The following ACTN4 variants were observed in gnomAD, a reference collection of about 807,000 sequenced individuals.
ACTN4 encodes the protein alpha-actinin-4.
A neutral mutation model predicts 114.2 loss-of-function variants in ACTN4; 18 were observed. The observed-to-expected ratio is 0.16, with a 90% CI of 0.11 to 0.23. The LOEUF (loss-of-function observed/expected upper bound fraction) is 0.23. Ranked by LOEUF, ACTN4 falls within the 10% of genes least tolerant of loss-of-function variation. The probability of loss-of-function intolerance (pLI) is 1.00; values close to 1 mark genes in which losing one functional copy is unlikely to be tolerated. For missense variants in ACTN4, 722 were observed against 1,262.9 expected, an observed-to-expected ratio of 0.57 and a Z score of 6.49; for synonymous variants, 515 against 506.3, an observed-to-expected ratio of 1.02 and a Z score of -0.23.
chr19:38,698,693 C>T (rs1968171544), intron 1 of ACTN4, among the ~76,000 whole-genome samples: 1 of 152,160 alleles, frequency 6.6e-6, no homozygotes, highest in African/African-American at 2.4e-5. Flanking sequence ...AGCGTTGTGC[C>T]ACCAGGAGGG....
chr19:38,673,649 A>T (rs1487480109), intron 1 of ACTN4, among the ~76,000 whole-genome samples: 2 of 51,532 alleles, frequency 3.9e-5, no homozygotes, highest in African/African-American at 6.8e-5. Flanking sequence ...ATATATATTT[A>T]TATATTTATA....
intron 1 of ACTN4, among the ~76,000 whole-genome samples, chr19:38,699,561 C>A (rs866912124): frequency 1.3e-5 from 2 of 152,030 alleles, no homozygotes; most frequent in Non-Finnish European, 2.9e-5. Context: ...TCAAGACCAG[C>A]CTGGCCAACA....
intron 1 of ACTN4, among the ~76,000 whole-genome samples, chr19:38,673,517 T>TCATATATATTTATATATATAAATA (rs1555826155): frequency 2.5e-5 from 2 of 80,392 alleles, no homozygotes; most frequent in Non-Finnish European, 5.1e-5. Flanking sequence ...GAATATATAT[T>TCATATATATTTATATATATAAATA]TATATATATT....
At position 38,730,112 on chromosome 19, in the gene ACTN4, A is replaced by C. The variant is rs916881931; in HGVS notation, c.*680A>C. The C allele has an allele frequency of 3.4e-5, 5 of 148,656 alleles. No individual in the cohort carries two copies. Among genetic ancestry groups the C allele is most frequent in the South Asian group, 2.0e-4 (1 of 4,984 alleles). 9.2% of individuals were successfully genotyped at this position (148,656 alleles called of 1,614,324 possible). On this transcript the variant is annotated 3_prime_UTR_variant, in exon 21 of 21. Transcript: ENST00000252699. ...AACCAAAAAAAAAAAAGGAAAAAAA[A>C]CACAAAACAACAAAAACCAAAAAAA...
chr19:38,726,192 G>C (rs1315510766), intron 17 of ACTN4, among the ~76,000 whole-genome samples: 2 of 151,786 alleles, frequency 1.3e-5, no homozygotes, highest in Non-Finnish European at 2.9e-5. Context: ...GGAGGTTGAG[G>C]TGGGCAGATT....
At position 38,717,410 on chromosome 19, in the gene ACTN4, G is replaced by C; in HGVS notation, c.1143+94G>C. On this transcript the variant is annotated intron_variant, in intron 10 of 20. Transcript: ENST00000252699. The surrounding 1 kb of genome is among the most constrained non-coding windows in gnomAD (Gnocchi z 4.0). ...GTTTGGCCAGCGTAATCTTTCCTAA[G>C]TTGTTGATGTCCTGTGGGACATGGC... 6.7e-7 allele frequency: 1 copy of C among 1,487,946 alleles called. No homozygotes were observed. The highest frequency in any genetic ancestry group is 9.1e-7 in the Non-Finnish European group (1 of 1,097,816). 92.2% of individuals were successfully genotyped at this position (1,487,946 alleles called of 1,614,324 possible).
Position 38,724,697 on chromosome 19 carries a change from G to A in ACTN4, c.2010+132G>A, listed in dbSNP as rs991103086. 5.6e-5 allele frequency: 81 copies of A among 1,445,980 alleles called. No individual in the cohort carries two copies. Among genetic ancestry groups the A allele is most frequent in the Middle Eastern group, 2.2e-4 (1 of 4,558 alleles). The allele number at this position is 1,445,980 out of a possible 1,614,324, so 89.6% of individuals were successfully genotyped here. On this transcript the variant is annotated intron_variant, in intron 16 of 20. Transcript: ENST00000252699. This position sits in a 1 kb window ranked among gnomAD's most constrained non-coding sequence, Gnocchi z 7.0. ...GCAGGTCCCAATTCTCACCACCCAG[G>A]GGCCGTGATCACCCTGCGGGGTTAG...
intron 8 of ACTN4, among the ~76,000 whole-genome samples, chr19:38,712,282 A>ATT (rs1968682695): frequency 6.6e-6 from 1 of 152,108 alleles, no homozygotes; most frequent in Admixed American, 6.5e-5. Context: ...CCCTGCTTTG[A>ATT]GCCTCCCAAC....
intron 1 of ACTN4, among the ~76,000 whole-genome samples, chr19:38,664,092 G>C (rs1277097919): frequency 6.6e-6 from 1 of 152,240 alleles, no homozygotes; most frequent in Non-Finnish European, 1.5e-5. Flanking sequence ...TCGGCTCCCA[G>C]TCTGCTGGCG....
intron 9 of ACTN4, among the ~76,000 whole-genome samples, chr19:38,716,699 C>T (rs1034189863): frequency 1.3e-5 from 2 of 152,172 alleles, no homozygotes; most frequent in Non-Finnish European, 2.9e-5. Flanking sequence ...CAGCCAGGCT[C>T]GGAGGTAGGC....
In ACTN4 at chr19:38,717,913, C is replaced by T. The variant is rs533607295; in HGVS notation, c.1144-14C>T. On this transcript the variant is annotated splice_polypyrimidine_tract_variant and intron_variant, in intron 10 of 20. Transcript: ENST00000252699. This position sits in a 1 kb window ranked among gnomAD's most constrained non-coding sequence, Gnocchi z 4.0. ...TTCCTTGTGATAGCCCTGCCTGCTC[C>T]TGCCCTGCCCCAGGACATCAACAAT... 1.2e-5 allele frequency: 19 copies of T among 1,582,932 alleles called. No homozygotes were observed. The South Asian group carries it at 2.1e-4, about 17-fold the overall frequency.
chr19:38,657,444 A>G (rs1442018248), intron 1 of ACTN4, among the ~76,000 whole-genome samples: 2 of 152,078 alleles, frequency 1.3e-5, no homozygotes, highest in East Asian at 1.9e-4. Context: ...TGCCCGAACT[A>G]ATTTTTAAAT....
At position 38,709,433 on chromosome 19, in the gene ACTN4, G is replaced by A; in HGVS notation, c.690G>A (p.Val230=). Residue 230 remains valine (V), a synonymous_variant, in exon 7 of 21, where the codon GTG becomes GTA. Transcript: ENST00000252699. ...PVTNLNNAFE[V]AEKYLDIPKM... is the part of the protein sequence containing the mutation. Reference sequence around the variant, plus strand: ...CCAACCTGAACAATGCCTTCGAAGTGGCTGAGAAATACCTCGACATCCCCA... The same window carrying A: ...CCAACCTGAACAATGCCTTCGAAGTAGCTGAGAAATACCTCGACATCCCCA... 1 of 1,614,212 alleles carries A rather than the reference G, an allele frequency of 6.2e-7. No individual in the cohort carries two copies. Among genetic ancestry groups the A allele is most frequent in the Non-Finnish European group, 8.5e-7 (1 of 1,180,030 alleles).
intron 19 of ACTN4, chr19:38,728,459 T>G (rs1307695368): frequency 6.5e-6 from 3 of 462,578 alleles, no homozygotes; most frequent in African/African-American, 4.4e-5. Flanking sequence ...CCCCCCCACC[T>G]CTCCCCCTCA....
chr19:38,712,180 C>G (rs926979398), intron 8 of ACTN4, among the ~76,000 whole-genome samples: 2 of 152,198 alleles, frequency 1.3e-5, no homozygotes, highest in African/African-American at 2.4e-5. Context: ...GAGGGCTAGG[C>G]GCAGTTAGCC....
At chr19:38,705,193 G>C (rs1007798711) in intron 4 of ACTN4, among the ~76,000 whole-genome samples, 173 bp downstream of exon 4, 1 of 152,218 alleles carries the variant, frequency 6.6e-6, no homozygotes, top group Admixed American at 6.5e-5. Flanking sequence ...GCTCCTCCCA[G>C]CTGCCTGCCT....
chr19:38,700,677 C>A lies in ACTN4; in HGVS notation c.240C>A (p.Asp80Glu). The part of the protein sequence containing the change: ...QIENIDEDFR[D>E]GLKLMLLLEV... ...AGAACATTGATGAGGACTTCCGAGA[C>A]GGGCTCAAGCTCATGCTGCTCCTGG... Residue 80 changes from aspartate to glutamate, a missense_variant, in exon 2 of 21, where the codon GAC becomes GAA. Physicochemically the swap from Asp to Glu is conservative, Grantham distance 45. Transcript: ENST00000252699. 6.2e-7 allele frequency: 1 copy of A among 1,614,176 alleles called. No individual in the cohort carries two copies. Among genetic ancestry groups the A allele is most frequent in the Non-Finnish European group, 8.5e-7 (1 of 1,180,006 alleles).
At position 38,714,463 on chromosome 19, in the gene ACTN4, C is replaced by T. The variant is rs757100700; in HGVS notation, c.820-6C>T. The stretch of plus-strand genomic sequence containing the variant: ...CAGGCAGCCCTGACTGTGTGCTCCC[C>T]TCCAGGCTGAAACTGCCGCCAACCG... On this transcript the variant is annotated splice_polypyrimidine_tract_variant and splice_region_variant and intron_variant, in intron 8 of 20. Coordinates refer to ENST00000252699, the MANE Select transcript of ACTN4 (RefSeq NM_004924.6). 2.5e-6 allele frequency: 4 copies of T among 1,613,432 alleles called. No homozygotes were observed. Among genetic ancestry groups the T allele is most frequent in the South Asian group, 2.2e-5 (2 of 91,064 alleles).
chr19:38,657,325 T>C (rs2144836154), intron 1 of ACTN4, among the ~76,000 whole-genome samples: 1 of 152,212 alleles, frequency 6.6e-6, no homozygotes, highest in Non-Finnish European at 1.5e-5. Context: ...GTATTTTTAG[T>C]AGAGACAGGG....
Sources: allele counts gnomAD v4.1 joint callset (sites outside exome capture counted in the v4.1 genomes callset), GRCh38; gene constraint gnomAD v4.1.1; non-coding constraint Gnocchi (gnomAD v3.1); transcripts MANE v1.5; gene names NCBI Gene and HGNC (gene_info 2026-07-23, HGNC 2026-07-21).